The following SAMD12 variants were observed in gnomAD, a reference collection of about 807,000 sequenced individuals.
SAMD12 encodes the protein sterile alpha motif domain containing 12, also known as sterile alpha motif domain-containing protein 12.
In SAMD12, 9 loss-of-function variants were observed where a neutral mutation model predicts 15.0. That is an observed-to-expected ratio of 0.60 (90% CI 0.36 to 1.05). SAMD12 has a LOEUF of 1.05. SAMD12 is among the 50% of genes least tolerant of loss of function. The pLI is 0.01. For missense variants in SAMD12, 230 were observed against 234.2 expected (o/e 0.98, Z 0.12); for synonymous variants, 86 against 90.1 (o/e 0.96, Z 0.25).
intron 3 of SAMD12, among the ~76,000 whole-genome samples, chr8:118,387,058 G>A (rs1445520477): frequency 1.3e-5 from 2 of 152,244 alleles, no homozygotes; most frequent in Non-Finnish European, 2.9e-5. Flanking sequence ...CCTGGGTCAT[G>A]CACCAAGCAA....
chr8:118,395,830 C>T (rs1029860623), intron 3 of SAMD12, among the ~76,000 whole-genome samples: 9 of 151,250 alleles, frequency 6.0e-5, no homozygotes, highest in East Asian at 3.9e-4. Context: ...TGGTGGCGGG[C>T]GCCTGTAGTC....
the SAMD12 span, among the ~76,000 whole-genome samples, chr8:118,152,544 G>A: frequency 6.8e-6 from 1 of 147,606 alleles, no homozygotes; most frequent in South Asian, 2.1e-4. Context: ...TTGTGCCCAG[G>A]TTAGAGTGCA....
chr8:118,613,190 G>A (rs1037228551), intron 1 of SAMD12, among the ~76,000 whole-genome samples: 1 of 152,132 alleles, frequency 6.6e-6, no homozygotes. Context: ...TTTACTGTGT[G>A]TAAATTGTAT....
intron 2 of SAMD12, among the ~76,000 whole-genome samples, chr8:118,552,521 C>T (rs1036595625): frequency 7.9e-5 from 12 of 152,044 alleles, no homozygotes; most frequent in South Asian, 2.1e-4. Context: ...ATTGATGGGA[C>T]GACGTATTTC....
chr8:118,575,616 A>AT (rs1827128159), intron 2 of SAMD12, among the ~76,000 whole-genome samples: 1 of 152,170 alleles, frequency 6.6e-6, no homozygotes, highest in Non-Finnish European at 1.5e-5. Context: ...ATGGGGATAC[A>AT]TTTTTATAAA....
chr8:118,281,413 G>A (rs1289694287), intron 4 of SAMD12, among the ~76,000 whole-genome samples: 1 of 149,654 alleles, frequency 6.7e-6, no homozygotes, highest in Non-Finnish European at 1.5e-5. Context: ...GACAGTGACT[G>A]TTTCCTTCTG....
the SAMD12 span, among the ~76,000 whole-genome samples, chr8:118,182,819 A>G: frequency 6.6e-6 from 1 of 152,232 alleles, no homozygotes; most frequent in Non-Finnish European, 1.5e-5. Flanking sequence ...CAATTTTGGA[A>G]GACAGATGTT....
chr8:118,586,046 G>A (rs566067619), intron 1 of SAMD12, among the ~76,000 whole-genome samples: 18 of 152,220 alleles, frequency 1.2e-4, no homozygotes, highest in African/African-American at 4.3e-4. Flanking sequence ...CCTCTATTCT[G>A]AGTTTTGCCT....
At chr8:118,213,538 G>A (rs1586349383) in intron 4 of SAMD12, among the ~76,000 whole-genome samples, 1 of 152,192 alleles carries the variant, frequency 6.6e-6, no homozygotes, top group Non-Finnish European at 1.5e-5. Flanking sequence ...ATGATAGTAT[G>A]TATGGAAAAA....
intron 4 of SAMD12, among the ~76,000 whole-genome samples, chr8:118,292,912 G>A: frequency 9.2e-6 from 1 of 108,874 alleles, no homozygotes; most frequent in African/African-American, 3.6e-5. Flanking sequence ...GGGGTGGGGG[G>A]AGGGGGGAGG....
At chr8:118,187,361 A>C (rs530248600), downstream of SAMD12, among the ~76,000 whole-genome samples, 18 of 152,342 alleles carry the variant, frequency 1.2e-4, no homozygotes, top group Admixed American at 8.5e-4. Context: ...AACTGGAGAA[A>C]GTATTAACAA....
At chr8:118,552,623 G>A (rs1400395830) in intron 2 of SAMD12, among the ~76,000 whole-genome samples, 2 of 152,194 alleles carry the variant, frequency 1.3e-5, no homozygotes, top group Non-Finnish European at 2.9e-5. Context: ...ACTGGCACAA[G>A]ACAGGGATGC....
intron 4 of SAMD12, among the ~76,000 whole-genome samples, chr8:118,295,882 T>A (rs553268061): frequency 2.0e-4 from 31 of 152,224 alleles, no homozygotes; most frequent in African/African-American, 7.5e-4. Flanking sequence ...TGGCCTCAAG[T>A]GTGCATCTCA....
chr8:118,539,126 T>A (rs1186166705), intron 2 of SAMD12, among the ~76,000 whole-genome samples: 1 of 152,220 alleles, frequency 6.6e-6, no homozygotes, highest in African/African-American at 2.4e-5. Flanking sequence ...GTCACTCACA[T>A]CTGCTGCATT....
intron 2 of SAMD12, among the ~76,000 whole-genome samples, chr8:118,563,149 C>T (rs1027142954): frequency 6.6e-6 from 1 of 152,102 alleles, no homozygotes; most frequent in African/African-American, 2.4e-5. Flanking sequence ...TCAGTCACAT[C>T]CAATGAACAC....
intron 4 of SAMD12, among the ~76,000 whole-genome samples, chr8:118,320,520 A>G (rs1272771738): frequency 6.6e-6 from 1 of 152,138 alleles, no homozygotes; most frequent in African/African-American, 2.4e-5. Context: ...AGAAAATTAC[A>G]AAAATCAACT....
At chr8:118,198,200 G>A (rs1304359733) in intron 4 of SAMD12, among the ~76,000 whole-genome samples, 1 of 152,120 alleles carries the variant, frequency 6.6e-6, no homozygotes, top group African/African-American at 2.4e-5. Context: ...TATTGGAAGC[G>A]GAATGGCTGG....
intron 2 of SAMD12, among the ~76,000 whole-genome samples, chr8:118,513,998 T>A (rs1478747203): frequency 6.6e-6 from 1 of 152,240 alleles, no homozygotes; most frequent in Non-Finnish European, 1.5e-5. Context: ...CTAAAATGCA[T>A]ATTTTAAGCG....
At chr8:118,520,823 T>C (rs1001804982) in intron 2 of SAMD12, among the ~76,000 whole-genome samples, 11 of 152,150 alleles carry the variant, frequency 7.2e-5, no homozygotes, top group Admixed American at 6.5e-4. Flanking sequence ...AGTAAAAAGA[T>C]AGATAGTAAA....
Sources: allele counts gnomAD v4.1 joint callset (sites outside exome capture counted in the v4.1 genomes callset), GRCh38; gene constraint gnomAD v4.1.1; transcripts MANE v1.5; gene names NCBI Gene and HGNC (gene_info 2026-07-23, HGNC 2026-07-21).